Variants in FBN2 observed in about 807,000 individuals in gnomAD.
FBN2 encodes fibrillin 2, also known as fibrillin-2.
A neutral mutation model predicts 355.6 loss-of-function variants in FBN2; 105 were observed. The ratio of observed to expected loss-of-function variants is 0.30; its 90% CI spans 0.25 to 0.35. FBN2 has a LOEUF of 0.35. FBN2 is among the 10% of genes least tolerant of loss of function. The probability of loss-of-function intolerance (pLI) is 1.00; values close to 1 mark genes in which losing one functional copy is unlikely to be tolerated. For missense variants in FBN2, 3,280 were observed against 3,758.7 expected (o/e 0.87, Z 3.33); for synonymous variants, 1,350 against 1,301.2 (o/e 1.04, Z -0.81).
rs764809572 is a variant in FBN2 at position 128,338,963 on chromosome 5, T to C, written c.3442A>G (p.Ser1148Gly). 42 of 1,613,994 alleles carry C rather than the reference T, an allele frequency of 2.6e-5. No individual in the cohort carries two copies. The highest frequency in any genetic ancestry group is 1.6e-4 in the Middle Eastern group (1 of 6,082). Residue 1148 changes from serine (S) to glycine (G), a missense_variant, in exon 26 of 65, where the codon AGT becomes GGT. Ser to Gly is a moderately conservative substitution (Grantham distance 56). Transcript: ENST00000262464. ...CAGTTCTTCATCATCATGAAGCCAC[T>C]TTCATAGCCTTCGAAGCACTCGCAC... ...FECECFEGYE[S>G]GFMMMKNCMD...
Position 128,300,838 on chromosome 5 carries a change from C to G in FBN2, c.6145G>C (p.Val2049Leu), listed in dbSNP as rs751605021. ...FRCICPPGYE[V>L]KSENCIDINE... Reference sequence around the variant, plus strand: ...TTACCAATGCAGTTCTCGCTTTTTACTTCATACCCTGGGGGACAGATGCAT... The same window carrying G: ...TTACCAATGCAGTTCTCGCTTTTTAGTTCATACCCTGGGGGACAGATGCAT... The change falls in exon 48 of 65, where the codon GTA (valine) becomes CTA (leucine). Residue 2049 changes from valine to leucine, a missense_variant. This residue lies in a region of FBN2 where 2,284 missense variants were observed against 2,749.5 expected (regional missense o/e 0.83). Transcript: ENST00000262464. 3 of 1,613,896 alleles carry G rather than the reference C, an allele frequency of 1.9e-6. No homozygotes were observed. The African/African-American group carries it at 4.0e-5, about 22-fold the overall frequency.
chr5:128,490,227 C>G (rs1296077116), intron 5 of FBN2, among the ~76,000 whole-genome samples: 1 of 151,804 alleles, frequency 6.6e-6, no homozygotes, highest in Non-Finnish European at 1.5e-5. Flanking sequence ...AGAGCCATAC[C>G]CAGATCAAGT....
At chr5:128,349,859 T>G in intron 22 of FBN2, 96 bp downstream of exon 22, 2 of 974,852 alleles carry the variant, frequency 2.1e-6, no homozygotes, top group East Asian at 5.0e-5. Flanking sequence ...TCAAGGTTTT[T>G]GAAAATGATA....
chr5:128,298,930 T>C (rs7716266), intron 48 of FBN2, among the ~76,000 whole-genome samples: 6,454 of 152,220 alleles, frequency 0.042, 428 homozygotes, highest in African/African-American at 0.14. Context: ...TTAGAGTTTC[T>C]AGTTTTTCTG....
chr5:128,437,773 TATAGATAGATAGATAGATAGATAG>T (rs68027593), intron 7 of FBN2, among the ~76,000 whole-genome samples: 21 of 148,246 alleles, frequency 1.4e-4, no homozygotes, highest in African/African-American at 4.7e-4. Flanking sequence ...AGTATGTATG[TATAGATAGATAGATAGATAGATAG>T]ATAGATAGAT....
intron 6 of FBN2, among the ~76,000 whole-genome samples, chr5:128,451,060 T>C (rs533239842): frequency 6.6e-6 from 1 of 152,266 alleles, no homozygotes; most frequent in Non-Finnish European, 1.5e-5. Context: ...CTGCATCTTG[T>C]TTTTCTTCAT....
chr5:128,446,361 C>T lies in FBN2; in HGVS notation c.952+120G>A. The T allele has an allele frequency of 2.8e-6, 3 of 1,070,302 alleles. No homozygotes were observed. The South Asian group carries it at 3.8e-5, about 14-fold the overall frequency. The allele number at this position is 1,070,302 out of a possible 1,614,324, so 66.3% of individuals were successfully genotyped here. ...GAACTACTCTAGGCTTAAACCTATG[C>T]TTTCATAGTAGATAAAGAGTTTTAA... On this transcript the variant is annotated intron_variant, in intron 7 of 64. Coordinates refer to ENST00000262464, the MANE Select transcript of FBN2 (RefSeq NM_001999.4).
At chr5:128,500,372 C>T (rs1755775818) in intron 5 of FBN2, among the ~76,000 whole-genome samples, 1 of 146,452 alleles carries the variant, frequency 6.8e-6, no homozygotes, top group Non-Finnish European at 1.5e-5. Flanking sequence ...GGAAGAGTGT[C>T]ATAACCCCTC....
chr5:128,376,660 T>C, intron 14 of FBN2, 71 bp downstream of exon 14: 2 of 1,561,624 alleles, frequency 1.3e-6, no homozygotes, highest in Non-Finnish European at 1.8e-6. Flanking sequence ...GAAGTAATTC[T>C]TCCATGGTTC....
intron 62 of FBN2, among the ~76,000 whole-genome samples, chr5:128,268,695 T>A (rs1275890696): frequency 6.6e-6 from 1 of 152,220 alleles, no homozygotes; most frequent in African/African-American, 2.4e-5. Flanking sequence ...GTCGGCTTCA[T>A]CCCTTTGATG....
Position 128,287,335 on chromosome 5 carries a change from G to C in FBN2, c.6853C>G (p.Leu2285Val), listed in dbSNP as rs781383755. 2.5e-6 allele frequency: 4 copies of C among 1,613,898 alleles called. No individual in the cohort carries two copies. In the Admixed American group the frequency reaches 6.7e-5, roughly 27 times the overall value. ...TTGCACATCTTTTGATCTTCCCTGAGGGCATAGCCAATCGGGCACGTGCAT... is the reference window on the plus strand; with the variant it reads ...TTGCACATCTTTTGATCTTCCCTGACGGCATAGCCAATCGGGCACGTGCAT... ...YECTCPIGYALREDQKMCKDL... is the reference protein window; with the variant it reads ...YECTCPIGYAVREDQKMCKDL... Residue 2285 changes from leucine to valine, a missense_variant, in exon 54 of 65, where the codon CTC becomes GTC. Physicochemically the swap from Leu to Val is conservative, Grantham distance 32. Transcript: ENST00000262464.
chr5:128,324,025 T>A (rs1304685785), intron 34 of FBN2, among the ~76,000 whole-genome samples: 1 of 152,214 alleles, frequency 6.6e-6, no homozygotes, highest in Non-Finnish European at 1.5e-5. Flanking sequence ...TGGTAGGGTG[T>A]ATGTGTCCAG....
At chr5:128,412,341 C>T (rs1006679298) in intron 7 of FBN2, among the ~76,000 whole-genome samples, 7 of 152,212 alleles carry the variant, frequency 4.6e-5, no homozygotes, top group Non-Finnish European at 1.0e-4. Flanking sequence ...ATTCCTTTGA[C>T]TGGGACACCT....
At chr5:128,477,510 TTTA>T (rs1418358714) in intron 5 of FBN2, among the ~76,000 whole-genome samples, 1 of 152,126 alleles carries the variant, frequency 6.6e-6, no homozygotes, top group African/African-American at 2.4e-5. Flanking sequence ...AATGACTTCT[TTTA>T]TTATTATTAT....
At chr5:128,277,528 T>C (rs1765424835) in intron 58 of FBN2, among the ~76,000 whole-genome samples, 2 of 152,240 alleles carry the variant, frequency 1.3e-5, no homozygotes, top group Admixed American at 1.3e-4. Context: ...ATGTGCACTT[T>C]AAATTTTAAA....
intron 5 of FBN2, among the ~76,000 whole-genome samples, chr5:128,500,894 G>A (rs778169476): frequency 6.6e-6 from 1 of 152,118 alleles, no homozygotes; most frequent in Non-Finnish European, 1.5e-5. Context: ...AAAACAGAAA[G>A]GCCCAGTCAT....
At chr5:128,418,331 A>G (rs1237661482) in intron 7 of FBN2, among the ~76,000 whole-genome samples, 1 of 151,894 alleles carries the variant, frequency 6.6e-6, no homozygotes, top group Admixed American at 6.6e-5. Flanking sequence ...TTGTTTTTTC[A>G]GTCTCTATTT....
intron 24 of FBN2, among the ~76,000 whole-genome samples, chr5:128,344,862 G>A (rs180716075): frequency 3.5e-3 from 533 of 152,090 alleles, no homozygotes; most frequent in Non-Finnish European, 6.1e-3. Flanking sequence ...CACCACGCCC[G>A]GCTAATTTTT....
At chr5:128,295,937 AG>A (rs1476747630) in intron 48 of FBN2, among the ~76,000 whole-genome samples, 2 of 145,454 alleles carry the variant, frequency 1.4e-5, no homozygotes, top group African/African-American at 5.3e-5. Context: ...GAATGCTTCC[AG>A]TTTTTGCCCA....
Sources: gnomAD v4.1 joint callset for allele counts (sites outside exome capture counted in the v4.1 genomes callset) on GRCh38, gnomAD v4.1.1 for gene constraint, gnomAD v4.1.1 regional missense constraint, MANE v1.5 for transcripts, NCBI Gene and HGNC (gene_info 2026-07-23, HGNC 2026-07-21) for gene names.